TAB2: variants seen among roughly 807,000 people sequenced by gnomAD.
TAB2 encodes TGF-beta activated kinase 1 (MAP3K7) binding protein 2, also known as TGF-beta-activated kinase 1 and MAP3K7-binding protein 2.
In TAB2, 3 loss-of-function variants were observed where a neutral mutation model predicts 65.0. That is an observed-to-expected ratio of 0.05 (90% confidence interval 0.02 to 0.12). TAB2 has a LOEUF of 0.12. Ranked by LOEUF, TAB2 falls within the 10% of genes least tolerant of loss-of-function variation. The pLI, the probability that TAB2 is intolerant of heterozygous loss-of-function variation, is 1.00. For missense variants in TAB2, 623 were observed against 840.3 expected (o/e 0.74, Z 3.20); for synonymous variants, 298 against 285.1 (o/e 1.05, Z -0.46).
intron 1 of TAB2, chr6:149,243,334 T>C (rs1377976127): frequency 6.6e-6 from 1 of 152,262 alleles, no homozygotes; most frequent in African/African-American, 2.4e-5. Flanking sequence ...AAAATATTTG[T>C]ATAATCAATA....
At chr6:149,230,750 G>A (rs1000130535) in intron 1 of TAB2, among the ~76,000 whole-genome samples, 2 of 152,190 alleles carry the variant, frequency 1.3e-5, no homozygotes, top group African/African-American at 2.4e-5. Context: ...CTACAAGGCC[G>A]TAAGGATGAG....
At chr6:149,337,091 T>G (rs980669624) in intron 1 of TAB2, among the ~76,000 whole-genome samples, 2 of 152,190 alleles carry the variant, frequency 1.3e-5, no homozygotes, top group Non-Finnish European at 1.5e-5. Context: ...TGTTGATATC[T>G]CTATAATTTA....
intron 1 of TAB2, among the ~76,000 whole-genome samples, chr6:149,232,938 C>A (rs2114634394): frequency 6.6e-6 from 1 of 152,266 alleles, no homozygotes; most frequent in Non-Finnish European, 1.5e-5. Context: ...CTCACAGCGA[C>A]CTGTGTGGAA....
At chr6:149,253,221 T>C (rs1777896029) in intron 1 of TAB2, 1 of 152,238 alleles carries the variant, frequency 6.6e-6, no homozygotes, top group African/African-American at 2.4e-5. Flanking sequence ...CAATGAAACA[T>C]AAAAGAGATT....
chr6:149,271,426 T>C (rs2114676151), intron 1 of TAB2, among the ~76,000 whole-genome samples: 1 of 152,318 alleles, frequency 6.6e-6, no homozygotes, highest in South Asian at 2.1e-4. Context: ...CTTTCTAGCC[T>C]GTGGCTCTAT....
intron 3 of TAB2, 145 bp from the exon 4 acceptor site, chr6:149,397,459 G>T: frequency 2.6e-5 from 23 of 883,114 alleles, no homozygotes; most frequent in Non-Finnish European, 3.0e-5. Flanking sequence ...AAAAAAAATT[G>T]AAATTTTAAA....
chr6:149,297,507 T>A (rs2114700200), intron 1 of TAB2, among the ~76,000 whole-genome samples: 1 of 152,328 alleles, frequency 6.6e-6, no homozygotes, highest in South Asian at 2.1e-4. Context: ...ATGTAATTTT[T>A]AAATACATAT....
intron 1 of TAB2, chr6:149,347,368 C>T (rs1027612237): frequency 4.3e-4 from 65 of 152,266 alleles, no homozygotes; most frequent in African/African-American, 1.4e-3. Context: ...GATTATTATG[C>T]TACTTTATTA....
upstream of TAB2, among the ~76,000 whole-genome samples, chr6:149,315,566 A>G (rs1779234227): frequency 6.6e-6 from 1 of 152,152 alleles, no homozygotes; most frequent in Non-Finnish European, 1.5e-5. Context: ...CCATATTCCA[A>G]TTTCGCCAAT....
chr6:149,275,300 G>GAAAGAAAGAAGGAAAGAAAA (rs1223068467), intron 1 of TAB2, among the ~76,000 whole-genome samples: 1 of 128,302 alleles, frequency 7.8e-6, no homozygotes, highest in East Asian at 2.4e-4. Flanking sequence ...AAGAAAGAAA[G>GAAAGAAAGAAGGAAAGAAAA]AGAAAAAAGA....
At chr6:149,228,771 A>G (rs1405123857) in intron 1 of TAB2, among the ~76,000 whole-genome samples, 4 of 152,234 alleles carry the variant, frequency 2.6e-5, no homozygotes, top group East Asian at 3.8e-4. Flanking sequence ...AAGAGTCCCA[A>G]TGTACCAATT....
intron 3 of TAB2, among the ~76,000 whole-genome samples, chr6:149,384,749 A>T (rs1278541273): frequency 6.6e-6 from 1 of 152,196 alleles, no homozygotes; most frequent in African/African-American, 2.4e-5. Flanking sequence ...TCATAGTGGT[A>T]TACCTGTTGT....
intron 1 of TAB2, among the ~76,000 whole-genome samples, chr6:149,337,788 G>A (rs1779979649): frequency 6.6e-6 from 1 of 152,164 alleles, no homozygotes; most frequent in Non-Finnish European, 1.5e-5. Context: ...TACTTACACA[G>A]AGGGTGGGAA....
chr6:149,239,878 T>A (rs992588795), intron 1 of TAB2, among the ~76,000 whole-genome samples: 1 of 152,170 alleles, frequency 6.6e-6, no homozygotes, highest in Non-Finnish European at 1.5e-5. Flanking sequence ...GTCCAACAGG[T>A]AAACTTGACC....
At chr6:149,237,390 A>G (rs1289321190) in intron 1 of TAB2, among the ~76,000 whole-genome samples, 1 of 152,152 alleles carries the variant, frequency 6.6e-6, no homozygotes, top group African/African-American at 2.4e-5. Flanking sequence ...TGAAGATGCA[A>G]TGTGGTCCCT....
At chr6:149,287,326 T>C (rs1434893352) in intron 1 of TAB2, among the ~76,000 whole-genome samples, 2 of 152,280 alleles carry the variant, frequency 1.3e-5, no homozygotes, top group East Asian at 3.9e-4. Context: ...ATAAGCACTG[T>C]TTGAAAAACA....
rs1782816478 is a variant in TAB2, at chr6:149,410,527, A to C, written c.*808A>C. ...CCTTACCTGAGAGGAACAATGCCTT[A>C]AAATAAAAAAGCATTAATGAGATGA... is the stretch of plus-strand genomic sequence containing the variant. On this transcript the variant is annotated 3_prime_UTR_variant, in exon 7 of 7. Transcript: ENST00000637181. 1 of 152,494 alleles carries C rather than the reference A, an allele frequency of 6.6e-6. No individual in the cohort carries two copies. The highest frequency in any genetic ancestry group is 2.1e-4 in the South Asian group (1 of 4,822). 9.4% of individuals were successfully genotyped at this position (152,494 alleles called of 1,614,324 possible). A position where few individuals can be genotyped will look rare whatever the true frequency, so the allele number is the denominator to read the frequency against.
chr6:149,250,378 T>C (rs918022420), intron 1 of TAB2, among the ~76,000 whole-genome samples: 1 of 152,062 alleles, frequency 6.6e-6, no homozygotes, highest in South Asian at 2.1e-4. Context: ...CAATCTCGGC[T>C]CACTGCAACC....
intron 1 of TAB2, among the ~76,000 whole-genome samples, chr6:149,248,935 C>T (rs1403394784): frequency 6.6e-6 from 1 of 152,146 alleles, no homozygotes; most frequent in Non-Finnish European, 1.5e-5. Flanking sequence ...TGTGTCCACC[C>T]TCTCCCACGC....
Sources: gnomAD v4.1 joint callset for allele counts (sites outside exome capture counted in the v4.1 genomes callset) on GRCh38, gnomAD v4.1.1 for gene constraint, MANE v1.5 for transcripts, NCBI Gene and HGNC (gene_info 2026-07-23, HGNC 2026-07-21) for gene names.